ZNF503: variants seen among roughly 807,000 people sequenced by gnomAD.
ZNF503 encodes the protein zinc finger protein 503.
ZNF503 carries 15 observed loss-of-function variants against 34.4 expected under a neutral mutation model. The ratio of observed to expected loss-of-function variants is 0.44; its 90% CI spans 0.29 to 0.67. The LOEUF is 0.67. ZNF503 is among the 30% of genes least tolerant of loss of function. The probability of loss-of-function intolerance (pLI) is 0.13; values close to 1 mark genes in which losing one functional copy is unlikely to be tolerated. For synonymous variants in ZNF503, 580 were observed against 456.8 expected (o/e 1.27, Z -3.44); for missense variants, 1,007 against 926.8 (o/e 1.09, Z -1.12).
the ZNF503 span, among the ~76,000 whole-genome samples, chr10:75,375,261 C>T: frequency 8.9e-3 from 1,350 of 152,174 alleles, 27 homozygotes; most frequent in African/African-American, 0.029. Context: ...GCTGGGACTA[C>T]AGGCACATGC....
the ZNF503 span, among the ~76,000 whole-genome samples, chr10:75,328,746 CTTTT>C: frequency 1.5e-5 from 2 of 130,768 alleles, no homozygotes; most frequent in East Asian, 4.4e-4. Context: ...AATGTCTTTT[CTTTT>C]TTTTTTTTTT....
At chr10:75,347,985 G>A in the ZNF503 span, among the ~76,000 whole-genome samples, 1 of 152,128 alleles carries the variant, frequency 6.6e-6, no homozygotes, top group Non-Finnish European at 1.5e-5. Context: ...CCGGGTTCAA[G>A]TGATTCTCTT....
the ZNF503 span, among the ~76,000 whole-genome samples, chr10:75,377,080 C>A: frequency 6.6e-6 from 1 of 152,186 alleles, no homozygotes; most frequent in Non-Finnish European, 1.5e-5. Flanking sequence ...TAGATTCACC[C>A]CAGACCTACT....
downstream of ZNF503, among the ~76,000 whole-genome samples, chr10:75,395,508 G>C (rs577453576): frequency 1.3e-5 from 2 of 151,980 alleles, no homozygotes; most frequent in Non-Finnish European, 2.9e-5. The surrounding 1 kb of genome is among the most constrained non-coding windows in gnomAD (Gnocchi z 4.4). Context: ...GACACGCGGC[G>C]CTCCGCCCGG....
the ZNF503 span, among the ~76,000 whole-genome samples, chr10:75,353,448 G>A: frequency 6.6e-6 from 1 of 152,212 alleles, no homozygotes; most frequent in Non-Finnish European, 1.5e-5. Flanking sequence ...TGAGCAGCCA[G>A]ATGGAGGGCA....
At chr10:75,313,911 G>A in the ZNF503 span, among the ~76,000 whole-genome samples, 1 of 152,180 alleles carries the variant, frequency 6.6e-6, no homozygotes, top group African/African-American at 2.4e-5. Context: ...CTCCTAAGAG[G>A]GAACAAGAGA....
chr10:75,396,793 C>T (rs927859997), downstream of ZNF503, among the ~76,000 whole-genome samples: 1 of 152,126 alleles, frequency 6.6e-6, no homozygotes, highest in Non-Finnish European at 1.5e-5. The surrounding 1 kb of genome is among the most constrained non-coding windows in gnomAD (Gnocchi z 4.4). Context: ...CCTGGGCTAG[C>T]GCCCAGGCCT....
the ZNF503 span, among the ~76,000 whole-genome samples, chr10:75,311,943 C>T: frequency 6.6e-6 from 1 of 151,506 alleles, no homozygotes; most frequent in Non-Finnish European, 1.5e-5. Context: ...TGGGGTTTTG[C>T]CATATTGGCC....
At position 75,401,342 on chromosome 10, in the gene ZNF503, G is replaced by GCCGCTTCCGCCT; in HGVS notation, c.77_78insAGGCGGAAGCGG (p.Gly27_Ala28insGlySerGlyGly). 1.3e-6 allele frequency: 2 copies of GCCGCTTCCGCCT among 1,538,546 alleles called. No individual in the cohort carries two copies. The highest frequency in any genetic ancestry group is 1.7e-6 in the Non-Finnish European group (2 of 1,146,318). ...CGCTGGTCCAGGCAGGGTCTGCACC[G>GCCGCTTCCGCCT]CCGCCTCCGCCTCCGCCGCCGCCGC... On this transcript the variant is annotated inframe_insertion, in exon 1 of 2. Transcript: ENST00000372524.
the ZNF503 span, among the ~76,000 whole-genome samples, chr10:75,366,416 G>A: frequency 0.17 from 25,792 of 152,176 alleles, 6,649 homozygotes; most frequent in African/African-American, 0.56. Context: ...GGGTTCCCAC[G>A]TCCCGAGCAA....
At chr10:75,286,005 G>A in the ZNF503 span, among the ~76,000 whole-genome samples, 7 of 152,140 alleles carry the variant, frequency 4.6e-5, no homozygotes, top group Admixed American at 1.3e-4. Context: ...CTGGATGGCC[G>A]GGCTCAGTGG....
At chr10:75,301,581 T>C in the ZNF503 span, among the ~76,000 whole-genome samples, 88 of 152,122 alleles carry the variant, frequency 5.8e-4, no homozygotes, top group African/African-American at 2.1e-3. Flanking sequence ...CTTTTTTATT[T>C]CTCTTTTACT....
the ZNF503 span, among the ~76,000 whole-genome samples, chr10:75,392,353 C>CA: frequency 6.6e-6 from 1 of 152,222 alleles, no homozygotes; most frequent in African/African-American, 2.4e-5. Context: ...ACCCAAGTGT[C>CA]CTGGTCCCTG....
chr10:75,315,953 T>C, the ZNF503 span, among the ~76,000 whole-genome samples: 1 of 152,154 alleles, frequency 6.6e-6, no homozygotes, highest in Non-Finnish European at 1.5e-5. Flanking sequence ...CGACTTTACA[T>C]CAAAAGCTGT....
the ZNF503 span, among the ~76,000 whole-genome samples, chr10:75,354,575 C>A: frequency 2.0e-5 from 3 of 151,938 alleles, no homozygotes; most frequent in African/African-American, 7.3e-5. Flanking sequence ...ATTGGCTAGG[C>A]ATTGTGGCAC....
At chr10:75,352,467 A>C in the ZNF503 span, among the ~76,000 whole-genome samples, 1 of 152,194 alleles carries the variant, frequency 6.6e-6, no homozygotes, top group East Asian at 1.9e-4. Context: ...ATTCTCAGGA[A>C]GTTTCCAGGC....
At chr10:75,332,374 TTTC>T in the ZNF503 span, among the ~76,000 whole-genome samples, 1 of 152,130 alleles carries the variant, frequency 6.6e-6, no homozygotes, top group South Asian at 2.1e-4. Flanking sequence ...ATTTTTTAGC[TTTC>T]TAATTCTCTC....
chr10:75,333,125 C>G, the ZNF503 span, among the ~76,000 whole-genome samples: 1 of 142,698 alleles, frequency 7.0e-6, no homozygotes, highest in African/African-American at 2.7e-5. Context: ...AACCTCCCTC[C>G]TGGACGGGGC....
the ZNF503 span, among the ~76,000 whole-genome samples, chr10:75,353,984 G>A: frequency 3.9e-5 from 6 of 152,234 alleles, no homozygotes; most frequent in African/African-American, 1.4e-4. Context: ...AGTGGGGTAG[G>A]GAAGATGGCT....
Sources: allele counts gnomAD v4.1 joint callset (sites outside exome capture counted in the v4.1 genomes callset), GRCh38; gene constraint gnomAD v4.1.1; non-coding constraint Gnocchi (gnomAD v3.1); transcripts MANE v1.5; gene names NCBI Gene and HGNC (gene_info 2026-07-23, HGNC 2026-07-21).